The following KLK14 variants were observed in gnomAD, a reference collection of about 807,000 sequenced individuals.
KLK14 encodes the protein kallikrein-14.
KLK14 carries 21 observed loss-of-function variants against 24.6 expected under a neutral mutation model. The observed-to-expected ratio is 0.85, with a 90% confidence interval of 0.61 to 1.23. The LOEUF is 1.23. Among genes scored for constraint, KLK14 ranks in the 50% most tolerant of loss-of-function variants. The probability of loss-of-function intolerance (pLI) is 0.00; values close to 1 mark genes in which losing one functional copy is unlikely to be tolerated. For missense variants in KLK14, 320 were observed against 338.9 expected (o/e 0.94, Z 0.44); for synonymous variants, 133 against 139.7 (o/e 0.95, Z 0.34).
chr19:51,078,165 G>T lies in KLK14; in HGVS notation c.604-6C>A. The T allele has an allele frequency of 6.2e-7, 1 of 1,612,998 alleles. No homozygotes were observed. Among genetic ancestry groups the T allele is most frequent in the South Asian group, 1.1e-5 (1 of 91,034 alleles). ...AGGGGTCCCCCAGAGTCACCCTGAG[G>T]GGGAGGAACAGAAATGGAGACACTG... On this transcript the variant is annotated splice_polypyrimidine_tract_variant and splice_region_variant and intron_variant, in intron 5 of 5. Transcript: ENST00000650543. This position sits in a 1 kb window ranked among gnomAD's most constrained non-coding sequence, Gnocchi z 5.0.
intron 2 of KLK14, 52 bp from the exon 3 acceptor site, chr19:51,081,755 CT>C (rs1436749457): frequency 7.0e-6 from 10 of 1,423,978 alleles, no homozygotes; most frequent in Non-Finnish European, 9.4e-6. Context: ...ACACTCTCCA[CT>C]CCACAAGTTT....
In KLK14 at chr19:51,079,475, C is replaced by G. The variant is rs1568597571; in HGVS notation, c.440G>C (p.Gly147Ala). The G allele has an allele frequency of 2.5e-6, 4 of 1,613,262 alleles. No individual in the cohort carries two copies. Among genetic ancestry groups the G allele is most frequent in the Non-Finnish European group, 1.7e-6 (2 of 1,179,796 alleles). ...GATGGGGCTGGATATAGTTCCCCAG[C>G]CTGACACTCGGCAGGAGGTCCCGGG... is the stretch of plus-strand genomic sequence containing the variant. ...ASPGTSCRVSGWGTISSPIAR... is the reference protein window; with the variant it reads ...ASPGTSCRVSAWGTISSPIAR... Residue 147 changes from glycine to alanine, a missense_variant, in exon 4 of 6, where the codon GGC becomes GCC. By Grantham distance (60) the Gly-to-Ala change is moderately conservative. Coordinates refer to ENST00000650543, the MANE Select transcript of KLK14 (RefSeq NM_001369775.2).
Position 51,078,812 on chromosome 19 carries a change from T to C in KLK14, c.603+3A>G. Reference sequence around the variant, plus strand: ...CTACCACAGCTCCCATCCTGGGCCTTACCTGACAAGAGTCCTTCCCGCCCT... The same window carrying C: ...CTACCACAGCTCCCATCCTGGGCCTCACCTGACAAGAGTCCTTCCCGCCCT... On this transcript the variant is annotated splice_donor_region_variant and intron_variant, in intron 5 of 5. Coordinates refer to ENST00000650543, the MANE Select transcript of KLK14 (RefSeq NM_001369775.2). The surrounding 1 kb of genome is among the most constrained non-coding windows in gnomAD (Gnocchi z 5.0). The C allele has an allele frequency of 6.2e-7, 1 of 1,613,386 alleles. No individual in the cohort carries two copies. The highest frequency in any genetic ancestry group is 1.1e-5 in the South Asian group (1 of 91,014).
intron 1 of KLK14, 43 bp from the exon 2 acceptor site, chr19:51,082,679 C>T (rs752508308): frequency 2.5e-6 from 4 of 1,614,050 alleles, no homozygotes; most frequent in Non-Finnish European, 3.4e-6. Context: ...GAACCTTCAA[C>T]AGAACCGGGG....
Position 51,081,704 on chromosome 19 carries a change from C to A in KLK14, c.41-1G>T, listed in dbSNP as rs762422548. 9.8e-6 allele frequency: 15 copies of A among 1,532,472 alleles called. No homozygotes were observed. The highest frequency in any genetic ancestry group is 2.0e-5 in the Admixed American group (1 of 49,238). The allele number at this position is 1,532,472 out of a possible 1,614,324, so 94.9% of individuals were successfully genotyped here. On this transcript the variant is annotated splice_acceptor_variant, in intron 2 of 5. Transcript: ENST00000650543. LOFTEE classifies it high-confidence loss of function. ...TCATCCTCTTGGCTCTGTGTCATGG[C>A]TAGGAGTGGACAGGATTGGGTGGGG...
At chr19:51,080,955 G>A (rs1880415) in intron 3 of KLK14, among the ~76,000 whole-genome samples, 1,924 of 152,306 alleles carry the variant, frequency 0.013, 46 homozygotes, top group African/African-American at 0.043. Flanking sequence ...TTATAGGCAT[G>A]AGCCACCGCA....
At position 51,081,679 on chromosome 19, in the gene KLK14, T is replaced by C; in HGVS notation, c.65A>G (p.Glu22Gly). 1 of 1,550,774 alleles carries C rather than the reference T, an allele frequency of 6.4e-7. No individual in the cohort carries two copies. The highest frequency in any genetic ancestry group is 2.4e-5 in the East Asian group (1 of 41,422). ...CGTATGGCCACCAATTATCTTGTTC[T>C]CATCCTCTTGGCTCTGTGTCATGGC... ...AIAMTQSQEDENKIIGGHTCT... is the reference protein window; with the variant it reads ...AIAMTQSQEDGNKIIGGHTCT... The change falls in exon 3 of 6, where the codon GAG becomes GGG. Residue 22 changes from glutamate (E) to glycine (G), a missense_variant. Physicochemically the swap from Glu to Gly is moderately conservative, Grantham distance 98 (BLOSUM62 -2). Coordinates refer to ENST00000650543, the MANE Select transcript of KLK14 (RefSeq NM_001369775.2).
upstream of KLK14, chr19:51,082,931 G>A (rs1043908987): frequency 9.1e-5 from 62 of 679,996 alleles, no homozygotes; most frequent in Non-Finnish European, 1.5e-4. Flanking sequence ...GGTAAGGACA[G>A]CTGGCCCTGC....
chr19:51,083,275 G>A (rs1208210874), upstream of KLK14, among the ~76,000 whole-genome samples: 3 of 40,608 alleles, frequency 7.4e-5, no homozygotes, highest in Non-Finnish European at 1.0e-4. Context: ...GTCACGGGAG[G>A]AGGGAGAGAG....
intron 3 of KLK14, among the ~76,000 whole-genome samples, chr19:51,080,230 A>G (rs996480256): frequency 6.6e-6 from 1 of 152,038 alleles, no homozygotes; most frequent in African/African-American, 2.4e-5. Flanking sequence ...GCTGGAGTGC[A>G]GTGGCACGAT....
chr19:51,081,709 A>G lies in KLK14; in HGVS notation c.41-6T>C. On this transcript the variant is annotated splice_region_variant and splice_polypyrimidine_tract_variant and intron_variant, in intron 2 of 5. Transcript: ENST00000650543. ...CTCTTGGCTCTGTGTCATGGCTAGG[A>G]GTGGACAGGATTGGGTGGGGAAAGT... The G allele has an allele frequency of 6.5e-7, 1 of 1,528,004 alleles. No individual in the cohort carries two copies. Among genetic ancestry groups the G allele is most frequent in the Non-Finnish European group, 8.8e-7 (1 of 1,131,644 alleles). The allele number at this position is 1,528,004 out of a possible 1,614,324, so 94.7% of individuals were successfully genotyped here.
intron 2 of KLK14, 34 bp downstream of exon 2, chr19:51,082,541 G>T (rs754042567): frequency 3.1e-6 from 5 of 1,606,332 alleles, no homozygotes; most frequent in East Asian, 2.2e-5. Flanking sequence ...GTCTCCAGGG[G>T]ACCCCCTTGT....
At chr19:51,082,249 T>C (rs1256262991) in intron 2 of KLK14, among the ~76,000 whole-genome samples, 3 of 152,174 alleles carry the variant, frequency 2.0e-5, no homozygotes, top group Non-Finnish European at 2.9e-5. Context: ...AACATCTTTC[T>C]GACATTGTTT....
In KLK14 at chr19:51,078,160, C is replaced by G. The variant is rs1243700536; in HGVS notation, c.604-1G>C. ...ACACCAGGGGTCCCCCAGAGTCACC[C>G]TGAGGGGGAGGAACAGAAATGGAGA... On this transcript the variant is annotated splice_acceptor_variant, in intron 5 of 5. Coordinates refer to ENST00000650543, the MANE Select transcript of KLK14 (RefSeq NM_001369775.2). LOFTEE classifies it high-confidence loss of function. The surrounding 1 kb of genome is among the most constrained non-coding windows in gnomAD (Gnocchi z 5.0). 2 of 1,613,224 alleles carry G rather than the reference C, an allele frequency of 1.2e-6. No individual in the cohort carries two copies. Among genetic ancestry groups the G allele is most frequent in the Non-Finnish European group, 1.7e-6 (2 of 1,179,674 alleles).
upstream of KLK14, among the ~76,000 whole-genome samples, chr19:51,083,720 G>A (rs1280407517): frequency 1.3e-5 from 2 of 151,796 alleles, no homozygotes; most frequent in African/African-American, 4.8e-5. Flanking sequence ...GGAGAGAGGG[G>A]TGTGGAGAAG....
chr19:51,080,186 T>A (rs576056416), intron 3 of KLK14, among the ~76,000 whole-genome samples: 2,689 of 139,706 alleles, frequency 0.019, 42 homozygotes, highest in Non-Finnish European at 0.028. Flanking sequence ...TTATTTATTT[T>A]TTTTTTGTGA....
At chr19:51,080,335 C>T (rs565056693) in intron 3 of KLK14, among the ~76,000 whole-genome samples, 12 of 151,970 alleles carry the variant, frequency 7.9e-5, no homozygotes, top group Non-Finnish European at 1.6e-4. Context: ...CCACCGCACC[C>T]AGCCTCTACA....
At chr19:51,083,274 GGAGGGAGA>G (rs1555793302), upstream of KLK14, among the ~76,000 whole-genome samples, 2 of 123,624 alleles carry the variant, frequency 1.6e-5, no homozygotes, top group African/African-American at 6.7e-5. Context: ...AGTCACGGGA[GGAGGGAGA>G]GAGGGAGAGA....
chr19:51,079,263 A>C (rs1434239817), intron 4 of KLK14, among the ~76,000 whole-genome samples, 186 bp downstream of exon 4: 1 of 142,316 alleles, frequency 7.0e-6, no homozygotes, highest in Non-Finnish European at 1.5e-5. Context: ...GTATGAGTCC[A>C]GGCCCAGCTC....
Sources: allele counts gnomAD v4.1 joint callset (sites outside exome capture counted in the v4.1 genomes callset), GRCh38; gene constraint gnomAD v4.1.1; non-coding constraint Gnocchi (gnomAD v3.1); transcripts MANE v1.5; gene names NCBI Gene and HGNC (gene_info 2026-07-23, HGNC 2026-07-21).